The following CTBP2 variants were observed in gnomAD, a reference collection of about 807,000 sequenced individuals.
CTBP2 encodes C-terminal-binding protein 2.
Under a neutral mutation model 80.3 loss-of-function variants are expected in CTBP2, and 30 were observed. The ratio of observed to expected loss-of-function variants is 0.37; its 90% CI spans 0.28 to 0.51. The LOEUF (loss-of-function observed/expected upper bound fraction) is 0.51, where lower values mean the gene tolerates loss of function less well. Among genes scored for constraint, CTBP2 ranks in the 20% least tolerant of loss-of-function variants. The pLI, the probability that CTBP2 is intolerant of heterozygous loss-of-function variation, is 0.93. For missense variants in CTBP2, 1,212 were observed against 1,375.3 expected (o/e 0.88, Z 1.88); for synonymous variants, 594 against 587.4 (o/e 1.01, Z -0.16).
intron 1 of CTBP2, among the ~76,000 whole-genome samples, chr10:125,114,264 G>C (rs573222251): frequency 1.3e-5 from 2 of 152,146 alleles, no homozygotes; most frequent in Non-Finnish European, 2.9e-5. Flanking sequence ...TGGCTGCTTC[G>C]GGCCAGACAG....
chr10:125,026,298 T>C lies in CTBP2; in HGVS notation c.1462A>G (p.Met488Val), dbSNP rs1189669132. Reference sequence around the variant, plus strand: ...TTGCGCTCCCTCTTTAGCAGCTCCATGGGCACCGTGTATGCCGTGGAGTAG... The same window carrying C: ...TTGCGCTCCCTCTTTAGCAGCTCCACGGGCACCGTGTATGCCGTGGAGTAG... Residue 488 changes from methionine (M) to valine (V), a missense_variant, in exon 1 of 9, where the codon ATG (methionine) becomes GTG (valine). By Grantham distance (21) the Met-to-Val change is conservative. This residue lies in a region of CTBP2 where 848 missense variants were observed against 782.3 expected (regional missense o/e 1.08). Coordinates refer to ENST00000309035, the MANE Select transcript of CTBP2 (RefSeq NM_022802.3). 2 of 1,613,738 alleles carry C rather than the reference T, an allele frequency of 1.2e-6. No homozygotes were observed. The highest frequency in any genetic ancestry group is 1.3e-5 in the African/African-American group (1 of 74,880).
chr10:124,991,443 C>G (rs933796401), intron 8 of CTBP2, among the ~76,000 whole-genome samples: 11 of 152,218 alleles, frequency 7.2e-5, no homozygotes, highest in Non-Finnish European at 1.2e-4. Flanking sequence ...GAATCTGGTG[C>G]TGTGATAGGC....
rs1047397836 is a variant in CTBP2, at chr10:125,018,541, A to G, written c.1678+7541T>C. On this transcript the variant is annotated intron_variant, in intron 1 of 8. Coordinates refer to ENST00000309035, the MANE Select transcript of CTBP2 (RefSeq NM_022802.3). ...AAAAACCAAAAAAAGCACCAGACCA[A>G]ACCAAACCAACCAACAAACAAACAA... 2.3e-4 allele frequency among the ~76,000 whole-genome samples: 31 copies of G among 136,326 alleles called. No individual in the cohort carries two copies. The South Asian group carries it at 5.8e-3, about 26-fold the overall frequency. The allele number at this position is 136,326 out of a possible 152,430, so 89.4% of individuals were successfully genotyped here.
chr10:124,987,147 T>TATTA lies in CTBP2; in HGVS notation c.*2367_*2370dup, dbSNP rs1203338768. 5 of 152,580 alleles carry TATTA rather than the reference T, an allele frequency of 3.3e-5. No homozygotes were observed. Among genetic ancestry groups the TATTA allele is most frequent in the African/African-American group, 1.2e-4 (5 of 41,416 alleles). 9.5% of individuals were successfully genotyped at this position (152,580 alleles called of 1,614,324 possible). On this transcript the variant is annotated 3_prime_UTR_variant, in exon 9 of 9. Coordinates refer to ENST00000309035, the MANE Select transcript of CTBP2 (RefSeq NM_022802.3). ...CAAAAATTTTGGTAAATCAATGCTATATTATGCTCTTGAACTATTAAAACA... is the reference window on the plus strand; with the variant it reads ...CAAAAATTTTGGTAAATCAATGCTATATTAATTATGCTCTTGAACTATTAAAACA...
At position 125,027,675 on chromosome 10, in the gene CTBP2, C is replaced by T. The variant is rs750602656; in HGVS notation, c.85G>A (p.Ala29Thr). Residue 29 changes from alanine (A) to threonine (T), a missense_variant, in exon 1 of 9, where the codon GCC (alanine) becomes ACC (threonine). Physicochemically the swap from Ala to Thr is moderately conservative, Grantham distance 58. Around this residue, in one of 3 missense-constraint regions of CTBP2, gnomAD observed 848 missense variants for 782.3 expected, o/e 1.08. Transcript: ENST00000309035. ...CTCCCCAGAGGCCGCAGGGACTCGG[C>T]GTTCTCCCAGGGGCCCTCGTACCAC... 1.2e-5 allele frequency: 20 copies of T among 1,613,842 alleles called. No individual in the cohort carries two copies. Among genetic ancestry groups the T allele is most frequent in the South Asian group, 7.7e-5 (7 of 91,072 alleles).
chr10:125,159,758 G>C (rs569523061), intron 1 of CTBP2: 1 of 148,736 alleles, frequency 6.7e-6, no homozygotes, highest in African/African-American at 2.5e-5. Context: ...GCACCCCGGC[G>C]CGCTCGGACT....
At chr10:125,138,261 C>T (rs942136728) in intron 1 of CTBP2, 1 of 152,186 alleles carries the variant, frequency 6.6e-6, no homozygotes, top group Non-Finnish European at 1.5e-5. Context: ...CAAGTGCACT[C>T]ATCCTGGAGC....
intron 3 of CTBP2, chr10:124,999,287 C>G (rs1414829022): frequency 1.3e-5 from 2 of 152,286 alleles, no homozygotes; most frequent in African/African-American, 4.8e-5. Context: ...AGGAGAGTGT[C>G]TCTCCCAGCA....
intron 1 of CTBP2, among the ~76,000 whole-genome samples, chr10:125,157,045 C>T (rs1350604752): frequency 6.6e-6 from 1 of 152,134 alleles, no homozygotes; most frequent in South Asian, 2.1e-4. Context: ...ATGTCACTGG[C>T]GTGTTTTTTA....
intron 1 of CTBP2, among the ~76,000 whole-genome samples, chr10:125,157,739 G>A (rs896440123): frequency 6.6e-6 from 1 of 152,186 alleles, no homozygotes; most frequent in African/African-American, 2.4e-5. Context: ...GATCAAGTGT[G>A]AACGATTAAA....
chr10:125,008,114 T>C (rs1381766148), intron 1 of CTBP2, among the ~76,000 whole-genome samples: 1 of 152,120 alleles, frequency 6.6e-6, no homozygotes, highest in African/African-American at 2.4e-5. Context: ...GCCTGGCTAA[T>C]TTTGTATTTT....
intron 2 of CTBP2, 52 bp downstream of exon 2, chr10:125,110,938 G>A (rs1394827898): frequency 4.6e-5 from 7 of 152,538 alleles, no homozygotes; most frequent in Non-Finnish European, 1.0e-4. Context: ...ACATTGCAAA[G>A]GGGATTCTAG....
intron 1 of CTBP2, among the ~76,000 whole-genome samples, chr10:125,127,412 T>G (rs987221072): frequency 6.6e-6 from 1 of 152,130 alleles, no homozygotes; most frequent in Non-Finnish European, 1.5e-5. Context: ...TGCACGTCAG[T>G]TCCTGGGAAG....
chr10:125,067,929 T>C (rs1310173155), intron 2 of CTBP2, among the ~76,000 whole-genome samples: 3 of 152,130 alleles, frequency 2.0e-5, no homozygotes, highest in Non-Finnish European at 4.4e-5. Flanking sequence ...GTCCGATGTA[T>C]ACCCTAGGAG....
chr10:125,029,181 A>C (rs1000288203), upstream of CTBP2, among the ~76,000 whole-genome samples: 9 of 152,056 alleles, frequency 5.9e-5, no homozygotes, highest in Admixed American at 5.2e-4. Context: ...CTCTCAATCT[A>C]GCACTCTACT....
At position 125,062,273 on chromosome 10, in the gene CTBP2, T is replaced by C. The variant is rs148755130; in HGVS notation, c.-101-23118A>G. 7.7e-4 allele frequency among the ~76,000 whole-genome samples: 118 copies of C among 152,304 alleles called. No homozygotes were observed. In the East Asian group the frequency reaches 0.019, roughly 25 times the overall value. ...AGGGGTGCTCTCAAAACTCAGCAAA[T>C]GTTAGTCCTTTTATTTTAGGAAAAT... On this transcript the variant is annotated intron_variant, in intron 2 of 10. Coordinates refer to the CTBP2 transcript ENST00000337195.
At chr10:125,097,428 A>G (rs999183499) in intron 2 of CTBP2, among the ~76,000 whole-genome samples, 1 of 152,222 alleles carries the variant, frequency 6.6e-6, no homozygotes. Flanking sequence ...GAACAGTTAC[A>G]ATGGATGACT....
At chr10:125,061,229 C>T (rs1360044191) in intron 2 of CTBP2, among the ~76,000 whole-genome samples, 1 of 152,244 alleles carries the variant, frequency 6.6e-6, no homozygotes, top group Non-Finnish European at 1.5e-5. Context: ...TTTTCGTCTG[C>T]AAGGACAGCC....
chr10:125,043,878 C>T (rs1046451544), intron 2 of CTBP2, among the ~76,000 whole-genome samples: 3 of 152,186 alleles, frequency 2.0e-5, no homozygotes, highest in Non-Finnish European at 4.4e-5. Flanking sequence ...ATGATGATGG[C>T]TTTCAATTCT....
Sources: gnomAD v4.1 joint callset for allele counts (sites outside exome capture counted in the v4.1 genomes callset) on GRCh38, gnomAD v4.1.1 for gene constraint, gnomAD v4.1.1 regional missense constraint, MANE v1.5 for transcripts, NCBI Gene and HGNC (gene_info 2026-07-23, HGNC 2026-07-21) for gene names.